The following MAF variants were observed in gnomAD, a reference collection of about 807,000 sequenced individuals.
MAF encodes the protein MAF bZIP transcription factor.
MAF carries 10 observed loss-of-function variants against 22.0 expected under a neutral mutation model. That is an observed-to-expected ratio of 0.45 (90% CI 0.28 to 0.77). The LOEUF (loss-of-function observed/expected upper bound fraction) is 0.77. Among genes scored for constraint, MAF ranks in the 30% least tolerant of loss-of-function variants. The pLI is 0.12. For synonymous variants in MAF, 337 were observed against 255.8 expected (o/e 1.32, Z -3.03); for missense variants, 544 against 548.4 (o/e 0.99, Z 0.08).
At chr16:79,472,220 G>A in the MAF span, among the ~76,000 whole-genome samples, 1 of 152,096 alleles carries the variant, frequency 6.6e-6, no homozygotes, top group Non-Finnish European at 1.5e-5. Context: ...ATATTACAGG[G>A]CTAAATTGAC....
At chr16:79,241,293 G>C in the MAF span, among the ~76,000 whole-genome samples, 1 of 151,920 alleles carries the variant, frequency 6.6e-6, no homozygotes, top group African/African-American at 2.4e-5. Context: ...TAAGAATCTT[G>C]AAAAAGGGTT....
At chr16:79,539,968 CA>C in the MAF span, among the ~76,000 whole-genome samples, 25 of 151,922 alleles carry the variant, frequency 1.6e-4, no homozygotes, top group African/African-American at 5.8e-4. Flanking sequence ...ATTTCTGTAA[CA>C]AAAAAATATA....
At chr16:79,277,683 C>T in the MAF span, among the ~76,000 whole-genome samples, 4 of 152,202 alleles carry the variant, frequency 2.6e-5, no homozygotes, top group African/African-American at 7.2e-5. Flanking sequence ...CTATCCCTTC[C>T]TCTCTATGTG....
At chr16:79,440,617 G>A in the MAF span, among the ~76,000 whole-genome samples, 3 of 152,082 alleles carry the variant, frequency 2.0e-5, no homozygotes, top group Admixed American at 6.5e-5. Flanking sequence ...TGTATTTTTA[G>A]TAGAGAAGGG....
At chr16:79,360,482 T>A in the MAF span, among the ~76,000 whole-genome samples, 36 of 152,214 alleles carry the variant, frequency 2.4e-4, no homozygotes, top group Admixed American at 1.3e-3. Flanking sequence ...AGCCTGTTTT[T>A]CTCATCTGTA....
chr16:79,290,336 C>G, the MAF span, among the ~76,000 whole-genome samples: 10 of 152,162 alleles, frequency 6.6e-5, no homozygotes, highest in Non-Finnish European at 1.3e-4. Context: ...ATAAATCATA[C>G]GGGCTCTGCG....
the MAF span, among the ~76,000 whole-genome samples, chr16:79,513,480 A>G: frequency 1.3e-5 from 2 of 152,240 alleles, no homozygotes; most frequent in Admixed American, 6.5e-5. Flanking sequence ...CAGACGGTCA[A>G]TGAAACAGCA....
chr16:79,466,657 A>G, the MAF span, among the ~76,000 whole-genome samples: 3 of 152,262 alleles, frequency 2.0e-5, no homozygotes, highest in African/African-American at 7.2e-5. Context: ...TGTTCTGCAC[A>G]TAAATAATGT....
chr16:79,556,433 G>C, the MAF span, among the ~76,000 whole-genome samples: 4 of 152,146 alleles, frequency 2.6e-5, no homozygotes, highest in Non-Finnish European at 4.4e-5. Flanking sequence ...AGTTGTATTG[G>C]GTTTCTGCTT....
the MAF span, among the ~76,000 whole-genome samples, chr16:79,574,798 T>C: frequency 5.3e-5 from 8 of 152,112 alleles, no homozygotes. Flanking sequence ...TTGATGTCAA[T>C]GAAGAACTAG....
the MAF span, among the ~76,000 whole-genome samples, chr16:79,429,862 C>A: frequency 6.6e-6 from 1 of 152,172 alleles, no homozygotes; most frequent in Non-Finnish European, 1.5e-5. Flanking sequence ...GCCTAACCCC[C>A]CAGGAAAGGT....
At chr16:79,439,032 C>G in the MAF span, among the ~76,000 whole-genome samples, 2 of 152,218 alleles carry the variant, frequency 1.3e-5, no homozygotes, top group East Asian at 3.9e-4. Flanking sequence ...CCCCTTCTAT[C>G]TTAAAGATAT....
At chr16:79,532,669 G>A in the MAF span, among the ~76,000 whole-genome samples, 2 of 152,224 alleles carry the variant, frequency 1.3e-5, no homozygotes, top group Non-Finnish European at 2.9e-5. Flanking sequence ...ATGAAGATAT[G>A]AAATATGCGT....
the MAF span, among the ~76,000 whole-genome samples, chr16:79,574,788 T>C: frequency 3.7e-4 from 57 of 152,284 alleles, no homozygotes; most frequent in Non-Finnish European, 6.6e-4. Context: ...AAGAATAGCA[T>C]TGATGTCAAT....
At chr16:79,579,972 G>C in the MAF span, among the ~76,000 whole-genome samples, 1 of 152,218 alleles carries the variant, frequency 6.6e-6, no homozygotes, top group Admixed American at 6.5e-5. Context: ...CAGCAACAGC[G>C]ATGGCATGTT....
chr16:79,586,225 C>T (rs1289821591), intron 1 of MAF, among the ~76,000 whole-genome samples: 1 of 152,166 alleles, frequency 6.6e-6, no homozygotes, highest in African/African-American at 2.4e-5. Flanking sequence ...TGGTTGGCAG[C>T]CTGGATCAGC....
the MAF span, among the ~76,000 whole-genome samples, chr16:79,455,759 T>G: frequency 1.3e-5 from 2 of 152,338 alleles, no homozygotes; most frequent in South Asian, 4.1e-4. Context: ...GGCTCATGCC[T>G]GTAATCCCAA....
At chr16:79,361,926 G>C in the MAF span, among the ~76,000 whole-genome samples, 1 of 152,204 alleles carries the variant, frequency 6.6e-6, no homozygotes, top group Admixed American at 6.5e-5. Flanking sequence ...TGGGTGGCAA[G>C]CATTTGACTA....
chr16:79,507,921 C>A, the MAF span, among the ~76,000 whole-genome samples: 2 of 152,062 alleles, frequency 1.3e-5, no homozygotes, highest in Non-Finnish European at 2.9e-5. Flanking sequence ...AAGCATTAGA[C>A]TTGGGTTTCA....
Sources: gnomAD v4.1 joint callset for allele counts (sites outside exome capture counted in the v4.1 genomes callset) on GRCh38, gnomAD v4.1.1 for gene constraint, MANE v1.5 for transcripts, NCBI Gene and HGNC (gene_info 2026-07-23, HGNC 2026-07-21) for gene names.